Variants in TTLL5 observed in about 807,000 individuals in gnomAD.
TTLL5 encodes the protein tubulin tyrosine ligase like 5.
Under a neutral mutation model 168.4 loss-of-function variants are expected in TTLL5, and 132 were observed. That is an observed-to-expected ratio of 0.78 (90% confidence interval 0.68 to 0.91). The LOEUF (loss-of-function observed/expected upper bound fraction) is 0.91. Among genes scored for constraint, TTLL5 ranks in the 40% least tolerant of loss-of-function variants. The pLI is 0.00. For missense variants in TTLL5, 1,545 were observed against 1,581.5 expected, an observed-to-expected ratio of 0.98 and a Z score of 0.39; for synonymous variants, 546 against 558.6, an observed-to-expected ratio of 0.98 and a Z score of 0.32.
At chr14:75,825,213 G>C (rs1046675439) in intron 28 of TTLL5, among the ~76,000 whole-genome samples, 1 of 152,064 alleles carries the variant, frequency 6.6e-6, no homozygotes, top group Non-Finnish European at 1.5e-5. Context: ...CCAGAAAAAA[G>C]AAAGAAAGAA....
intron 30 of TTLL5, among the ~76,000 whole-genome samples, chr14:75,889,355 A>T (rs1226844695): frequency 2.6e-5 from 4 of 152,232 alleles, no homozygotes; most frequent in African/African-American, 9.6e-5. Context: ...GGCAAAAAAG[A>T]CCCAAGATAA....
Position 75,954,504 on chromosome 14 carries a change from G to A in TTLL5, c.*58G>A. On this transcript the variant is annotated 3_prime_UTR_variant, in exon 32 of 32. Coordinates refer to ENST00000298832, the MANE Select transcript of TTLL5 (RefSeq NM_015072.5). Reference sequence around the variant, plus strand: ...CACTCCTGGGTGCATGATTGAGGGTGAAGCATCCACCAGCACTTCAAGGGG... The same window carrying A: ...CACTCCTGGGTGCATGATTGAGGGTAAAGCATCCACCAGCACTTCAAGGGG... 1.3e-6 allele frequency: 2 copies of A among 1,594,246 alleles called. No individual in the cohort carries two copies. The highest frequency in any genetic ancestry group is 1.7e-6 in the Non-Finnish European group (2 of 1,163,168).
At chr14:75,676,768 CTTTTT>C (rs779894993) in intron 3 of TTLL5, among the ~76,000 whole-genome samples, 1 of 138,466 alleles carries the variant, frequency 7.2e-6, no homozygotes, top group Non-Finnish European at 1.6e-5. Context: ...TAGCATTTTA[CTTTTT>C]TTTTTTTTTT....
chr14:75,720,983 G>A (rs1175245288), intron 12 of TTLL5, among the ~76,000 whole-genome samples: 1 of 152,114 alleles, frequency 6.6e-6, no homozygotes, highest in African/African-American at 2.4e-5. Context: ...AGTCTGCAAC[G>A]GACTGTACAG....
At chr14:75,929,561 C>G (rs2034204906) in intron 31 of TTLL5, among the ~76,000 whole-genome samples, 1 of 146,820 alleles carries the variant, frequency 6.8e-6, no homozygotes, top group Admixed American at 7.2e-5. Flanking sequence ...AAGCAATTCT[C>G]TCTGCCTCAG....
rs1891748586 is a variant in TTLL5 at position 75,776,858 on chromosome 14, A to C, written c.2387+8A>C. 1.9e-6 allele frequency: 3 copies of C among 1,602,512 alleles called. No individual in the cohort carries two copies. The highest frequency in any genetic ancestry group is 1.7e-4 in the Middle Eastern group (1 of 6,030). ...GTTCATCAGACAAGCAAGGTAGTAG[A>C]CATTCTTGATTGATAAAAGCTGTCT... On this transcript the variant is annotated splice_region_variant and intron_variant, in intron 23 of 31. Transcript: ENST00000298832.
intron 25 of TTLL5, 24 bp downstream of exon 25, chr14:75,782,597 G>A: frequency 6.3e-7 from 1 of 1,585,406 alleles, no homozygotes; most frequent in Non-Finnish European, 8.6e-7. Context: ...AACCTACCTA[G>A]ATTTGCTGCT....
At chr14:75,831,622 C>T (rs868083978) in intron 28 of TTLL5, among the ~76,000 whole-genome samples, 5 of 152,252 alleles carry the variant, frequency 3.3e-5, no homozygotes, top group African/African-American at 1.2e-4. Flanking sequence ...TGTACTAGCT[C>T]CCAGGGAAGC....
In TTLL5 at chr14:75,863,768, C is replaced by T. The variant is rs1473454172; in HGVS notation, c.3428C>T (p.Ala1143Val). ...VVPQHKYHPT[A>V]GSYQLQFALQ... is the part of the protein sequence containing the mutation. ...CCCCAGCACAAGTATCACCCCACAGCAGGCAGCTATCAGCTTCAATTTGCC... is the reference window on the plus strand; with the variant it reads ...CCCCAGCACAAGTATCACCCCACAGTAGGCAGCTATCAGCTTCAATTTGCC... Residue 1143 changes from alanine (A) to valine (V), a missense_variant, in exon 29 of 32, where the codon GCA becomes GTA. Transcript: ENST00000298832. 4 of 1,613,888 alleles carry T rather than the reference C, an allele frequency of 2.5e-6. No individual in the cohort carries two copies. The highest frequency in any genetic ancestry group is 2.2e-5 in the East Asian group (1 of 44,866).
intron 7 of TTLL5, 94 bp downstream of exon 7, chr14:75,699,364 G>T: frequency 9.0e-7 from 1 of 1,116,638 alleles, no homozygotes; most frequent in South Asian, 1.3e-5. Context: ...ATTTCATTAA[G>T]AGCAGGTGTG....
intron 27 of TTLL5, chr14:75,818,488 TTTTC>T (rs1239556932): frequency 1.2e-5 from 5 of 405,736 alleles, no homozygotes; most frequent in East Asian, 8.0e-5. Flanking sequence ...TTTTCTTTTC[TTTTC>T]TTTTTTTTTT....
At chr14:75,890,633 C>A (rs181836776) in intron 30 of TTLL5, among the ~76,000 whole-genome samples, 1 of 152,306 alleles carries the variant, frequency 6.6e-6, no homozygotes, top group Admixed American at 6.5e-5. Context: ...ATTGGTTCTT[C>A]TTAAACACAT....
At chr14:75,936,089 A>T (rs1269407781) in intron 31 of TTLL5, among the ~76,000 whole-genome samples, 3 of 152,160 alleles carry the variant, frequency 2.0e-5, no homozygotes, top group Non-Finnish European at 4.4e-5. Flanking sequence ...TCATGGTAGG[A>T]ATAGCAGTTA....
intron 15 of TTLL5, among the ~76,000 whole-genome samples, chr14:75,741,513 A>G (rs1594953741): frequency 6.8e-6 from 1 of 147,842 alleles, no homozygotes; most frequent in Non-Finnish European, 1.5e-5. Context: ...GGCCTTTCAA[A>G]TCAGTCTGAT....
intron 18 of TTLL5, among the ~76,000 whole-genome samples, chr14:75,763,699 T>A (rs1480891463): frequency 6.6e-6 from 1 of 152,210 alleles, no homozygotes. Context: ...TTTGGTGACT[T>A]GGTTATGGCT....
chr14:75,680,529 A>G (rs1884517929), intron 3 of TTLL5, among the ~76,000 whole-genome samples: 1 of 151,946 alleles, frequency 6.6e-6, no homozygotes, highest in African/African-American at 2.4e-5. Context: ...GCTGGATTTC[A>G]TCCTTGGGCT....
intron 31 of TTLL5, among the ~76,000 whole-genome samples, chr14:75,909,746 G>A (rs1018656538): frequency 3.2e-4 from 49 of 152,204 alleles, no homozygotes; most frequent in African/African-American, 1.1e-3. Context: ...CACTTCATCC[G>A]TAGCCTGTGT....
At chr14:75,742,111 ACTTTTT>A (rs1889310662) in intron 15 of TTLL5, among the ~76,000 whole-genome samples, 3 of 152,148 alleles carry the variant, frequency 2.0e-5, no homozygotes, top group Non-Finnish European at 2.9e-5. Flanking sequence ...ATAGTTAATA[ACTTTTT>A]CTTTAAGTAC....
At chr14:75,725,137 T>C (rs1888111445) in intron 12 of TTLL5, among the ~76,000 whole-genome samples, 1 of 152,240 alleles carries the variant, frequency 6.6e-6, no homozygotes, top group Admixed American at 6.5e-5. Flanking sequence ...CACCTCTGTG[T>C]TGACGATACC....
Sources: gnomAD v4.1 joint callset for allele counts (sites outside exome capture counted in the v4.1 genomes callset) on GRCh38, gnomAD v4.1.1 for gene constraint, MANE v1.5 for transcripts, NCBI Gene and HGNC (gene_info 2026-07-23, HGNC 2026-07-21) for gene names.